Variants in RAP1GAP2 observed in about 807,000 individuals in gnomAD.
RAP1GAP2 encodes the protein rap1 GTPase-activating protein 2.
In RAP1GAP2, 27 loss-of-function variants were observed where a neutral mutation model predicts 95.0. The observed-to-expected ratio is 0.28, with a 90% CI of 0.21 to 0.39. The LOEUF (loss-of-function observed/expected upper bound fraction) is 0.39, where lower values mean the gene tolerates loss of function less well. RAP1GAP2 is among the 10% of genes least tolerant of loss of function. The pLI is 1.00. For synonymous variants in RAP1GAP2, 373 were observed against 380.9 expected (o/e 0.98, Z 0.24); for missense variants, 771 against 970.0 (o/e 0.79, Z 2.72).
intron 3 of RAP1GAP2, among the ~76,000 whole-genome samples, chr17:2,919,629 T>C (rs1359164376): frequency 6.6e-6 from 1 of 152,152 alleles, no homozygotes; most frequent in Non-Finnish European, 1.5e-5. Context: ...GCCCATGGTC[T>C]GGGGGGTCTG....
chr17:2,852,355 GCACAAGGC>G (rs1389287548), intron 2 of RAP1GAP2, among the ~76,000 whole-genome samples: 1 of 151,730 alleles, frequency 6.6e-6, no homozygotes, highest in African/African-American at 2.4e-5. Context: ...GGGGTGGGGG[GCACAAGGC>G]CAGTGGTAAC....
At chr17:2,859,117 T>C (rs1354142764) in intron 2 of RAP1GAP2, among the ~76,000 whole-genome samples, 7 of 149,358 alleles carry the variant, frequency 4.7e-5, no homozygotes, top group Non-Finnish European at 1.0e-4. Context: ...TCTTTTTTTT[T>C]TTTTTTTTTT....
At chr17:2,794,215 A>T (rs1001377180), upstream of RAP1GAP2, among the ~76,000 whole-genome samples, 1 of 151,406 alleles carries the variant, frequency 6.6e-6, no homozygotes, top group Non-Finnish European at 1.5e-5. Context: ...CTTTCATCTC[A>T]TGCTTCAGCA....
Position 2,932,842 on chromosome 17 carries a change from A to AAAAAAAAGG in RAP1GAP2, c.166-24916_166-24915insAAAAAAGGA, listed in dbSNP as rs140254643. Reference sequence around the variant, plus strand: ...AAAAAAAGAAAAAAAAAAAAAAAAAAAGAGCAGGGACCACGGGCAGGGTAT... The same window carrying AAAAAAAAGG: ...AAAAAAAGAAAAAAAAAAAAAAAAAAAAAAAAAGGAGAGCAGGGACCACGGGCAGGGTAT... On this transcript the variant is annotated intron_variant, in intron 3 of 24. Coordinates refer to ENST00000254695, the MANE Select transcript of RAP1GAP2 (RefSeq NM_015085.5). Among the ~76,000 whole-genome samples the AAAAAAAAGG allele has an allele frequency of 4.0e-4, 38 of 94,152 alleles. 14 individuals carry two copies. The highest frequency in any genetic ancestry group is 6.2e-4 in the South Asian group (2 of 3,248). 61.8% of individuals were successfully genotyped at this position (94,152 alleles called of 152,430 possible).
chr17:2,941,783 AGTGATTCTCCT>A (rs1487530902), intron 3 of RAP1GAP2, among the ~76,000 whole-genome samples: 1 of 151,852 alleles, frequency 6.6e-6, no homozygotes, highest in South Asian at 2.1e-4. Context: ...CCCAGGTTCA[AGTGATTCTCCT>A]GTGTCAGCCT....
intron 14 of RAP1GAP2, among the ~76,000 whole-genome samples, chr17:2,999,781 TAA>T (rs527596504): frequency 0.019 from 2,349 of 126,660 alleles, 56 homozygotes; most frequent in African/African-American, 0.052. Flanking sequence ...ACCCTGTCTC[TAA>T]AAAAAAAAAA....
chr17:2,910,947 C>T (rs2042355713), intron 3 of RAP1GAP2, among the ~76,000 whole-genome samples: 1 of 152,216 alleles, frequency 6.6e-6, no homozygotes, highest in African/African-American at 2.4e-5. Context: ...GATCCGCCAG[C>T]CTTGGCCTCC....
chr17:2,980,302 G>T lies in RAP1GAP2; in HGVS notation c.612G>T (p.Thr204=). The change falls in exon 9 of 25, where the codon ACG becomes ACT. Residue 204 remains threonine, a synonymous_variant. Coordinates refer to ENST00000254695, the MANE Select transcript of RAP1GAP2 (RefSeq NM_015085.5). ...LRVILRSKLK[T]VHERIPLAGL... ...TCTTGTGCAGGTCCAAACTGAAGAC[G>T]GTACATGAGCGGATCCCCTTGGCTG... 6.2e-7 allele frequency: 1 copy of T among 1,613,804 alleles called. No homozygotes were observed. Among genetic ancestry groups the T allele is most frequent in the South Asian group, 1.1e-5 (1 of 91,080 alleles).
intron 2 of RAP1GAP2, among the ~76,000 whole-genome samples, chr17:2,889,885 ATATATTT>A (rs2073638757): frequency 2.2e-5 from 1 of 44,890 alleles, no homozygotes; most frequent in Non-Finnish European, 4.6e-5. Flanking sequence ...ATATATATAT[ATATATTT>A]TTTTTTTTTT....
At chr17:2,853,891 A>T in intron 2 of RAP1GAP2, 1 of 968,292 alleles carries the variant, frequency 1.0e-6, no homozygotes, top group Non-Finnish European at 1.2e-6. Context: ...TGCGAGGCGG[A>T]GGCCGGGGGC....
At position 3,030,916 on chromosome 17, in the gene RAP1GAP2, T is replaced by C. The variant is rs1289887402; in HGVS notation, c.2108-6T>C. On this transcript the variant is annotated splice_region_variant and splice_polypyrimidine_tract_variant and intron_variant, in intron 22 of 24. Coordinates refer to ENST00000254695, the MANE Select transcript of RAP1GAP2 (RefSeq NM_015085.5). ...ACCCTCCTTTCATGGCCGTTCTTTT[T>C]CTTAGATGCCAAAAGCAGAAACTCC... 2.5e-6 allele frequency: 4 copies of C among 1,606,344 alleles called. No individual in the cohort carries two copies. The highest frequency in any genetic ancestry group is 3.4e-6 in the Non-Finnish European group (4 of 1,176,270).
intron 3 of RAP1GAP2, among the ~76,000 whole-genome samples, chr17:2,941,708 G>A (rs1254483441): frequency 2.1e-5 from 3 of 145,420 alleles, no homozygotes; most frequent in African/African-American, 7.6e-5. Flanking sequence ...TGCTCTTGTC[G>A]CCCAGGCTGG....
intron 1 of RAP1GAP2, among the ~76,000 whole-genome samples, chr17:2,778,343 C>T (rs550345785): frequency 6.6e-6 from 1 of 152,108 alleles, no homozygotes; most frequent in Non-Finnish European, 1.5e-5. Flanking sequence ...CTACAGCAGC[C>T]TCTCTTGGTT....
At chr17:3,013,511 C>G (rs534501500) in intron 17 of RAP1GAP2, among the ~76,000 whole-genome samples, 1 of 152,256 alleles carries the variant, frequency 6.6e-6, no homozygotes, top group East Asian at 1.9e-4. Flanking sequence ...ACTCCTCACA[C>G]TTACCCAGCC....
chr17:2,879,633 G>A (rs190379478), intron 2 of RAP1GAP2, among the ~76,000 whole-genome samples: 217 of 152,066 alleles, frequency 1.4e-3, no homozygotes, highest in Non-Finnish European at 2.8e-3. Context: ...GGCTGAGACA[G>A]GAGAATTGTT....
At position 2,963,872 on chromosome 17, in the gene RAP1GAP2, G is replaced by T; in HGVS notation, c.296G>T (p.Gly99Val). Residue 99 changes from glycine (G) to valine (V), a missense_variant, in exon 7 of 25, where the codon GGC (glycine) becomes GTC (valine). Coordinates refer to ENST00000254695, the MANE Select transcript of RAP1GAP2 (RefSeq NM_015085.5). The surrounding 1 kb of genome is among the most constrained non-coding windows in gnomAD (Gnocchi z 4.8). Reference protein sequence around the residue: ...PSIDEVVEKGGPYPQVILPQF... With the variant: ...PSIDEVVEKGVPYPQVILPQF... ...TGCCTTCAGGTTGTGGAGAAGGGAG[G>T]CCCGTACCCTCAGGTCATCCTGCCA... 1 of 1,607,886 alleles carries T rather than the reference G, an allele frequency of 6.2e-7. No homozygotes were observed. Among genetic ancestry groups the T allele is most frequent in the Non-Finnish European group, 8.5e-7 (1 of 1,177,294 alleles).
At chr17:2,761,573 G>A (rs538483714) in intron 1 of RAP1GAP2, among the ~76,000 whole-genome samples, 1 of 151,812 alleles carries the variant, frequency 6.6e-6, no homozygotes, top group African/African-American at 2.4e-5. Context: ...CAGGTGTGAG[G>A]CACCGCACCC....
At chr17:2,782,939 C>T (rs1354051256) in intron 1 of RAP1GAP2, among the ~76,000 whole-genome samples, 1 of 152,172 alleles carries the variant, frequency 6.6e-6, no homozygotes, top group Non-Finnish European at 1.5e-5. Context: ...ATCTCTTGAA[C>T]CTGGGAGGTG....
At chr17:2,995,613 G>T in intron 13 of RAP1GAP2, 147 bp downstream of exon 13, 4 of 1,179,778 alleles carry the variant, frequency 3.4e-6, no homozygotes, top group Non-Finnish European at 4.7e-6. Context: ...GTCACAGTCC[G>T]TTCTGCTGTG....
Sources: allele counts gnomAD v4.1 joint callset (sites outside exome capture counted in the v4.1 genomes callset), GRCh38; gene constraint gnomAD v4.1.1; non-coding constraint Gnocchi (gnomAD v3.1); transcripts MANE v1.5; gene names NCBI Gene and HGNC (gene_info 2026-07-23, HGNC 2026-07-21).